DUSP12: variants seen among roughly 807,000 people sequenced by gnomAD.
DUSP12 encodes dual specificity phosphatase 12.
In DUSP12, 25 loss-of-function variants were observed where a neutral mutation model predicts 38.9. That is an observed-to-expected ratio of 0.64 (90% CI 0.47 to 0.90). The LOEUF is 0.90. DUSP12 is among the 40% of genes least tolerant of loss of function. The pLI is 0.00. For synonymous variants in DUSP12, 153 were observed against 153.9 expected, an observed-to-expected ratio of 0.99 and a Z score of 0.05; for missense variants, 403 against 427.0, an observed-to-expected ratio of 0.94 and a Z score of 0.50.
chr1:161,753,748 T>C (rs1684066411), intron 5 of DUSP12, among the ~76,000 whole-genome samples: 1 of 152,140 alleles, frequency 6.6e-6, no homozygotes, highest in African/African-American at 2.4e-5. Flanking sequence ...AAAAATGTAT[T>C]AAACAAAATT....
At chr1:161,754,241 C>T (rs563311444) in intron 5 of DUSP12, among the ~76,000 whole-genome samples, 25 of 152,180 alleles carry the variant, frequency 1.6e-4, no homozygotes, top group African/African-American at 5.5e-4. Flanking sequence ...GTTATATTCA[C>T]GTGTTGTGCA....
chr1:161,754,099 T>C (rs1684072404), intron 5 of DUSP12, among the ~76,000 whole-genome samples: 1 of 152,244 alleles, frequency 6.6e-6, no homozygotes, highest in South Asian at 2.1e-4. Context: ...TATTCTATAA[T>C]AATCATCTTA....
Position 161,752,428 on chromosome 1 carries a change from T to G in DUSP12, c.638T>G (p.Leu213Trp), listed in dbSNP as rs1321926191. ...GACCCAACTACCGTTTCACAAGGATTGAAAGATGAGGTTCTCTACAAGTGT... is the reference window on the plus strand; with the variant it reads ...GACCCAACTACCGTTTCACAAGGATGGAAAGATGAGGTTCTCTACAAGTGT... ...AVDPTTVSQG[L>W]KDEVLYKCRK... The change falls in exon 4 of 6, where the codon TTG (leucine) becomes TGG (tryptophan). Residue 213 changes from leucine (L) to tryptophan (W), a missense_variant. Physicochemically the swap from Leu to Trp is moderately conservative, Grantham distance 61 (BLOSUM62 -2). Transcript: ENST00000367943. 6.2e-7 allele frequency: 1 copy of G among 1,612,970 alleles called. No individual in the cohort carries two copies.
Position 161,750,092 on chromosome 1 carries a change from C to A in DUSP12, c.291C>A (p.Cys97Ter). Residue 97 changes from cysteine (C) to a stop codon, truncating the protein, a stop_gained, in exon 1 of 6, where the codon TGC becomes TGA. Coordinates refer to ENST00000367943, the MANE Select transcript of DUSP12 (RefSeq NM_007240.3). LOFTEE classifies it high-confidence loss of function. ...ETDLLSHLDR[C>*]VAFIGQARAE... is the part of the protein sequence containing the mutation. The stretch of plus-strand genomic sequence containing the variant: ...ACCTACTCAGCCATCTGGACCGGTG[C>A]GTGGCCTTCATCGGTCAGGCCCGCG... 1.2e-6 allele frequency: 2 copies of A among 1,613,940 alleles called. No homozygotes were observed. Among genetic ancestry groups the A allele is most frequent in the Non-Finnish European group, 1.7e-6 (2 of 1,179,944 alleles).
intron 1 of DUSP12, among the ~76,000 whole-genome samples, chr1:161,750,733 C>T (rs1005586759): frequency 1.3e-5 from 2 of 151,894 alleles, no homozygotes; most frequent in South Asian, 4.2e-4. Flanking sequence ...GTGAGGAGTT[C>T]GAGATCAGGC....
chr1:161,749,862 G>C lies in DUSP12; in HGVS notation c.61G>C (p.Val21Leu), dbSNP rs1173292284. Reference sequence around the variant, plus strand: ...GCTCAGCAACCCCAGCGCCAGCAGAGTCAGCTGTGCCGGGCAGATGCTGGA... The same window carrying C: ...GCTCAGCAACCCCAGCGCCAGCAGACTCAGCTGTGCCGGGCAGATGCTGGA... ...CELSNPSASR[V>L]SCAGQMLEVQ... Residue 21 changes from valine (V) to leucine (L), a missense_variant, in exon 1 of 6, where the codon GTC becomes CTC. Physicochemically the swap from Val to Leu is conservative, Grantham distance 32. Coordinates refer to ENST00000367943, the MANE Select transcript of DUSP12 (RefSeq NM_007240.3). The C allele has an allele frequency of 6.2e-7, 1 of 1,609,246 alleles. No individual in the cohort carries two copies. Among genetic ancestry groups the C allele is most frequent in the African/African-American group, 1.3e-5 (1 of 74,816 alleles).
At chr1:161,753,964 G>C (rs1161552538) in intron 5 of DUSP12, among the ~76,000 whole-genome samples, 1 of 151,988 alleles carries the variant, frequency 6.6e-6, no homozygotes, top group Admixed American at 6.6e-5. Flanking sequence ...TGTAACCAGT[G>C]GGTAGGGAAA....
chr1:161,750,129 G>T lies in DUSP12; in HGVS notation c.328G>T (p.Ala110Ser). 6.2e-7 allele frequency: 1 copy of T among 1,613,472 alleles called. No homozygotes were observed. Among genetic ancestry groups the T allele is most frequent in the South Asian group, 1.1e-5 (1 of 91,068 alleles). Residue 110 changes from alanine to serine, a missense_variant, in exon 1 of 6, where the codon GCG becomes TCG. Physicochemically the swap from Ala to Ser is moderately conservative, Grantham distance 99 (BLOSUM62 1). Coordinates refer to ENST00000367943, the MANE Select transcript of DUSP12 (RefSeq NM_007240.3). ...FIGQARAEGR[A>S]VLVHCHAGVS... ...CGGTCAGGCCCGCGCTGAGGGCCGT[G>T]CGGTGTTGGTGCACTGGTGAGTGGC...
rs1008088506 is a variant in DUSP12, at chr1:161,752,410, C to A, written c.620C>A (p.Thr207Asn). The A allele has an allele frequency of 6.2e-7, 1 of 1,613,316 alleles. No homozygotes were observed. Among genetic ancestry groups the A allele is most frequent in the Admixed American group, 1.7e-5 (1 of 60,000 alleles). Reference protein sequence around the residue: ...LPQELFAVDPTTVSQGLKDEV... With the variant: ...LPQELFAVDPNTVSQGLKDEV... ...CAAGAACTCTTTGCTGTTGACCCAACTACCGTTTCACAAGGATTGAAAGAT... is the reference window on the plus strand; with the variant it reads ...CAAGAACTCTTTGCTGTTGACCCAAATACCGTTTCACAAGGATTGAAAGAT... The change falls in exon 4 of 6, where the codon ACT becomes AAT. Residue 207 changes from threonine (T) to asparagine (N), a missense_variant. Transcript: ENST00000367943.
intron 5 of DUSP12, among the ~76,000 whole-genome samples, chr1:161,755,036 G>A (rs71634909): frequency 0.15 from 22,431 of 152,022 alleles, 2,641 homozygotes; most frequent in African/African-American, 0.32. Flanking sequence ...TTCCATGTTG[G>A]TCAGGCTGGT....
chr1:161,756,713 A>G (rs544883182), intron 5 of DUSP12, 73 bp from the exon 6 acceptor site: 1 of 1,551,474 alleles, frequency 6.4e-7, no homozygotes, highest in African/African-American at 1.4e-5. Flanking sequence ...TATATCCTAT[A>G]TTGATTGCCA....
intron 5 of DUSP12, among the ~76,000 whole-genome samples, chr1:161,756,197 T>A (rs895834441): frequency 2.6e-5 from 4 of 152,064 alleles, no homozygotes; most frequent in African/African-American, 9.7e-5. Flanking sequence ...AGCTCAAGAT[T>A]AAAAATAAAA....
Position 161,753,975 on chromosome 1 carries a change from TAAA to T in DUSP12, c.861+719_861+721del, listed in dbSNP as rs542151639. On this transcript the variant is annotated intron_variant, in intron 5 of 5. Transcript: ENST00000367943. ...CTCCTGTAACCAGTGGGTAGGGAAA[TAAA>T]AAAAGAATGCAGTTCATGTGACATT... is the stretch of plus-strand genomic sequence containing the variant. Among the ~76,000 whole-genome samples the T allele has an allele frequency of 5.4e-3, 821 of 152,154 alleles. 3 individuals are homozygous for T. Among genetic ancestry groups the T allele is most frequent in the Non-Finnish European group, 8.1e-3 (551 of 67,984 alleles).
rs749380595 is a variant in DUSP12, at chr1:161,750,068, C to T, written c.267C>T (p.Asp89=). 9.9e-6 allele frequency: 16 copies of T among 1,613,910 alleles called. No homozygotes were observed. The highest frequency in any genetic ancestry group is 1.4e-5 in the Non-Finnish European group (16 of 1,179,974). ...FVPALDKPET[D]LLSHLDRCVA... ...CAGCGCTGGACAAACCCGAGACGGA[C>T]CTACTCAGCCATCTGGACCGGTGCG... is the stretch of plus-strand genomic sequence containing the variant. The change falls in exon 1 of 6, where the codon GAC becomes GAT. Residue 89 remains aspartate (D), a synonymous_variant. Transcript: ENST00000367943.
At chr1:161,752,131 A>T in intron 3 of DUSP12, 147 bp downstream of exon 3, 1 of 737,410 alleles carries the variant, frequency 1.4e-6, no homozygotes, top group South Asian at 2.0e-5. Flanking sequence ...TCAAAATCAC[A>T]TGGTTTATAA....
In DUSP12 at chr1:161,749,850, A is replaced by G. The variant is rs1479541312; in HGVS notation, c.49A>G (p.Ser17Gly). 6.2e-7 allele frequency: 1 copy of G among 1,604,624 alleles called. No homozygotes were observed. The highest frequency in any genetic ancestry group is 2.3e-5 in the East Asian group (1 of 44,314). The change falls in exon 1 of 6, where the codon AGC (serine) becomes GGC (glycine). Residue 17 changes from serine to glycine, a missense_variant. Transcript: ENST00000367943. The stretch of plus-strand genomic sequence containing the variant: ...TGATGGCTGCGAGCTCAGCAACCCC[A>G]GCGCCAGCAGAGTCAGCTGTGCCGG... ...PSDGCELSNP[S>G]ASRVSCAGQM...
intron 5 of DUSP12, among the ~76,000 whole-genome samples, chr1:161,753,596 A>G (rs577056162): frequency 9.5e-4 from 144 of 152,242 alleles, no homozygotes; most frequent in Non-Finnish European, 1.8e-3. Context: ...TCATTAGCTC[A>G]TGCCTGTAAT....
chr1:161,750,032 C>T lies in DUSP12; in HGVS notation c.231C>T (p.Arg77=), dbSNP rs895634989. The T allele has an allele frequency of 1.2e-6, 2 of 1,614,040 alleles. No individual in the cohort carries two copies. Among genetic ancestry groups the T allele is most frequent in the Non-Finnish European group, 1.7e-6 (2 of 1,179,992 alleles). ...GGCCTGGGGTCGAGGATCTATGGCG[C>T]CTCTTCGTGCCAGCGCTGGACAAAC... ...KAGPGVEDLW[R]LFVPALDKPE... The change falls in exon 1 of 6, where the codon CGC becomes CGT. Residue 77 remains arginine (R), a synonymous_variant. Transcript: ENST00000367943.
intron 1 of DUSP12, 51 bp from the exon 2 acceptor site, chr1:161,751,617 T>C: frequency 6.4e-7 from 1 of 1,566,948 alleles, no homozygotes; most frequent in Non-Finnish European, 8.6e-7. Flanking sequence ...TGTGTGTTTT[T>C]TTTTTTAATT....
Sources: allele counts gnomAD v4.1 joint callset (sites outside exome capture counted in the v4.1 genomes callset), GRCh38; gene constraint gnomAD v4.1.1; transcripts MANE v1.5; gene names NCBI Gene and HGNC (gene_info 2026-07-23, HGNC 2026-07-21).